HCRTR1: variants seen among roughly 807,000 people sequenced by gnomAD.
The protein encoded by HCRTR1 is orexin/Hypocretin receptor type 1.
Under a neutral mutation model 40.6 loss-of-function variants are expected in HCRTR1, and 28 were observed. That is an observed-to-expected ratio of 0.69 (90% CI 0.51 to 0.95). The LOEUF (loss-of-function observed/expected upper bound fraction) is 0.95, where lower values mean the gene tolerates loss of function less well. Ranked by LOEUF, HCRTR1 falls within the 40% of genes least tolerant of loss-of-function variation. HCRTR1 has a pLI of 0.00. For synonymous variants in HCRTR1, 209 were observed against 230.0 expected, an observed-to-expected ratio of 0.91 and a Z score of 0.83; for missense variants, 482 against 564.7, an observed-to-expected ratio of 0.85 and a Z score of 1.48.
Position 31,619,799 on chromosome 1 carries a change from T to G in HCRTR1, c.378+89T>G, listed in dbSNP as rs560515420. On this transcript the variant is annotated intron_variant, in intron 4 of 8. Coordinates refer to ENST00000403528, the MANE Select transcript of HCRTR1 (RefSeq NM_001525.3). ...CATAGGTCTCAGTGACCCCCAGACT[T>G]GCCTTTCAGACAGGTCAGTGGCTCA... 5.5e-6 allele frequency: 7 copies of G among 1,269,698 alleles called. No individual in the cohort carries two copies. The South Asian group carries it at 1.0e-4, about 19-fold the overall frequency. 78.7% of individuals were successfully genotyped at this position (1,269,698 alleles called of 1,614,324 possible). A position where few individuals can be genotyped will look rare whatever the true frequency, so the allele number is the denominator to read the frequency against.
chr1:31,622,549 C>T (rs146390777), intron 6 of HCRTR1, among the ~76,000 whole-genome samples: 3 of 152,172 alleles, frequency 2.0e-5, no homozygotes, highest in African/African-American at 4.8e-5. Flanking sequence ...GACACAGGCA[C>T]GATCCTCCTC....
At position 31,619,100 on chromosome 1, in the gene HCRTR1, C is replaced by A; in HGVS notation, c.-93C>A. ...AGACCTGGGTGCAAGCCTCCAGGCA[C>A]CCTGAAGGGAGTGGGCTGAGGGCTG... On this transcript the variant is annotated 5_prime_UTR_variant, in exon 3 of 9. Transcript: ENST00000403528. The A allele has an allele frequency of 9.2e-7, 1 of 1,083,356 alleles. No homozygotes were observed. The highest frequency in any genetic ancestry group is 2.5e-5 in the East Asian group (1 of 40,274). The allele number at this position is 1,083,356 out of a possible 1,614,324, so 67.1% of individuals were successfully genotyped here. A position where few individuals can be genotyped will look rare whatever the true frequency, so the allele number is the denominator to read the frequency against.
chr1:31,629,940 T>G (rs1010193589), downstream of HCRTR1: 1 of 151,932 alleles, frequency 6.6e-6, no homozygotes, highest in African/African-American at 2.4e-5. Context: ...AAATGCAAAT[T>G]AAAAAAAGTA....
At chr1:31,619,005 C>T in intron 2 of HCRTR1, 46 bp from the exon 3 acceptor site, 1 of 595,468 alleles carries the variant, frequency 1.7e-6, no homozygotes, top group East Asian at 2.8e-5. Flanking sequence ...CTAATGTTTC[C>T]TTCCTTCTCT....
downstream of HCRTR1, among the ~76,000 whole-genome samples, chr1:31,627,883 AG>A (rs1487619571): frequency 6.6e-6 from 1 of 152,164 alleles, no homozygotes; most frequent in African/African-American, 2.4e-5. Flanking sequence ...GGGGAAGGTA[AG>A]GGGGGCCGGG....
Position 31,625,187 on chromosome 1 carries a change from C to A in HCRTR1, c.1087+69C>A. Reference sequence around the variant, plus strand: ...TCCACATGACAAGTCTCCCCATCCCCAAGCCAGGGCCCAAATAAAGGATGG... The same window carrying A: ...TCCACATGACAAGTCTCCCCATCCCAAAGCCAGGGCCCAAATAAAGGATGG... On this transcript the variant is annotated intron_variant, in intron 8 of 8. Transcript: ENST00000403528. The surrounding 1 kb of genome is among the most constrained non-coding windows in gnomAD (Gnocchi z 4.2). 6.8e-7 allele frequency: 1 copy of A among 1,460,774 alleles called. No homozygotes were observed. The highest frequency in any genetic ancestry group is 9.2e-7 in the Non-Finnish European group (1 of 1,088,754). The allele number at this position is 1,460,774 out of a possible 1,614,324, so 90.5% of individuals were successfully genotyped here.
In HCRTR1 at chr1:31,621,340, T is replaced by G. The variant is rs1639851590; in HGVS notation, c.623-137T>G. ...AAGTTGGACAACTCCAGGGTCTCTG[T>G]CTGTCATGGTGGCTGTATGGGGTCC... On this transcript the variant is annotated intron_variant, in intron 5 of 8. Transcript: ENST00000403528. 12 of 815,306 alleles carry G rather than the reference T, an allele frequency of 1.5e-5. No individual in the cohort carries two copies. In the South Asian group the frequency reaches 1.9e-4, roughly 13 times the overall value. The allele number at this position is 815,306 out of a possible 1,614,324, so 50.5% of individuals were successfully genotyped here.
At position 31,625,355 on chromosome 1, in the gene HCRTR1, A is replaced by C. The variant is rs1639953839; in HGVS notation, c.1087+237A>C. On this transcript the variant is annotated intron_variant, in intron 8 of 8. Coordinates refer to ENST00000403528, the MANE Select transcript of HCRTR1 (RefSeq NM_001525.3). The surrounding 1 kb of genome is among the most constrained non-coding windows in gnomAD (Gnocchi z 4.2). ...TCCAGTTTTGCAGATTCTGCAGACC[A>C]GTGAGTGAGTGGAAGGGCAGGGGCT... Among the ~76,000 whole-genome samples, 1 of 152,180 alleles carries C rather than the reference A, an allele frequency of 6.6e-6. No homozygotes were observed. Among genetic ancestry groups the C allele is most frequent in the Non-Finnish European group, 1.5e-5 (1 of 68,012 alleles).
At chr1:31,632,346 G>A (rs991538034), downstream of HCRTR1, 18 of 1,353,630 alleles carry the variant, frequency 1.3e-5, no homozygotes, top group Admixed American at 3.5e-5. Context: ...TCAAAGAAGG[G>A]GTGAGGGATG....
At chr1:31,623,234 T>C (rs1389477616) in intron 6 of HCRTR1, among the ~76,000 whole-genome samples, 1 of 148,750 alleles carries the variant, frequency 6.7e-6, no homozygotes, top group African/African-American at 2.5e-5. Flanking sequence ...GAGGCGAGAT[T>C]GAAGAGAGCC....
downstream of HCRTR1, among the ~76,000 whole-genome samples, chr1:31,632,875 G>A (rs1275682812): frequency 2.0e-5 from 3 of 152,164 alleles, no homozygotes; most frequent in Non-Finnish European, 4.4e-5. Flanking sequence ...CTGCAGGCTT[G>A]GCACCTGACC....
chr1:31,621,481 C>G lies in HCRTR1; in HGVS notation c.627C>G (p.Asp209Glu). 6.2e-7 allele frequency: 1 copy of G among 1,611,280 alleles called. No homozygotes were observed. Among genetic ancestry groups the G allele is most frequent in the South Asian group, 1.1e-5 (1 of 91,020 alleles). ...FSVCDERWAD[D>E]LYPKIYHSCF... is the part of the protein sequence containing the mutation. ...TGCATCTCTTGACCCCTGCAGATGA[C>G]CTCTATCCCAAGATCTACCACAGTT... The change falls in exon 6 of 9, where the codon GAC (aspartate) becomes GAG (glutamate). Residue 209 changes from aspartate (D) to glutamate (E), a missense_variant. By Grantham distance (45) the Asp-to-Glu change is conservative. Coordinates refer to ENST00000403528, the MANE Select transcript of HCRTR1 (RefSeq NM_001525.3).
chr1:31,626,697 G>C lies in HCRTR1; in HGVS notation c.1088-93G>C. ...CTCCCTCCCCGCCCCCTCATAGGCA[G>C]CTTGGCTGGAGCTGCGTGGGTGTCC... is the stretch of plus-strand genomic sequence containing the variant. On this transcript the variant is annotated intron_variant, in intron 8 of 8. Transcript: ENST00000403528. This position sits in a 1 kb window ranked among gnomAD's most constrained non-coding sequence, Gnocchi z 4.6. 3 of 605,076 alleles carry C rather than the reference G, an allele frequency of 5.0e-6. No homozygotes were observed. The highest frequency in any genetic ancestry group is 7.9e-6 in the Non-Finnish European group (3 of 378,834). The allele number at this position is 605,076 out of a possible 1,614,324, so 37.5% of individuals were successfully genotyped here. A position where few individuals can be genotyped will look rare whatever the true frequency, so the allele number is the denominator to read the frequency against.
At chr1:31,621,376 AGGCCTTGCTTT>A in intron 5 of HCRTR1, 90 bp from the exon 6 acceptor site, 1 of 951,490 alleles carries the variant, frequency 1.1e-6, no homozygotes, top group Non-Finnish European at 1.7e-6. Context: ...AGCTGCTCCT[AGGCCTTGCTTT>A]GGCCGTAGTC....
downstream of HCRTR1, chr1:31,630,696 G>A (rs775137790): frequency 9.3e-6 from 15 of 1,613,924 alleles, no homozygotes; most frequent in Middle Eastern, 1.7e-4. Context: ...TCCTTCTCCC[G>A]GAAGGCCTCT....
rs114117076 is a variant in HCRTR1, at chr1:31,626,022, T to A, written c.1088-768T>A. Among the ~76,000 whole-genome samples the A allele has an allele frequency of 6.8e-3, 1,034 of 152,310 alleles. 4 individuals are homozygous for A. The highest frequency in any genetic ancestry group is 0.027 in the Middle Eastern group (8 of 294). On this transcript the variant is annotated intron_variant, in intron 8 of 8. Coordinates refer to ENST00000403528, the MANE Select transcript of HCRTR1 (RefSeq NM_001525.3). This position sits in a 1 kb window ranked among gnomAD's most constrained non-coding sequence, Gnocchi z 4.6. ...GGGAGGGGAGGGCAGACAGACTTACTGACACATATGCCTTTGTTTGGCCTA... is the reference window on the plus strand; with the variant it reads ...GGGAGGGGAGGGCAGACAGACTTACAGACACATATGCCTTTGTTTGGCCTA...
In HCRTR1 at chr1:31,619,198, G is replaced by T; in HGVS notation, c.6G>T (p.Glu2Asp). 1.2e-6 allele frequency: 2 copies of T among 1,610,894 alleles called. No individual in the cohort carries two copies. Among genetic ancestry groups the T allele is most frequent in the Non-Finnish European group, 8.5e-7 (1 of 1,179,878 alleles). M[E>D]PSATPGAQMG... The stretch of plus-strand genomic sequence containing the variant: ...CTGCAGCGGCTCCTGAGCTCATGGA[G>T]CCCTCAGCCACCCCAGGGGCCCAGA... Residue 2 changes from glutamate (E) to aspartate (D), a missense_variant, in exon 3 of 9, where the codon GAG becomes GAT. Glu to Asp is a conservative substitution (Grantham distance 45). Transcript: ENST00000403528.
chr1:31,624,562 C>T (rs569828183), intron 7 of HCRTR1, among the ~76,000 whole-genome samples: 1 of 151,416 alleles, frequency 6.6e-6, no homozygotes, highest in Non-Finnish European at 1.5e-5. Context: ...CAAAGAGGGT[C>T]GCAGGGCGCT....
intron 4 of HCRTR1, among the ~76,000 whole-genome samples, chr1:31,620,159 C>A (rs1639822260): frequency 6.6e-6 from 1 of 152,188 alleles, no homozygotes; most frequent in Non-Finnish European, 1.5e-5. Context: ...CCAGGATGTC[C>A]GGATGGGGTT....
Sources: gnomAD v4.1 joint callset for allele counts (sites outside exome capture counted in the v4.1 genomes callset) on GRCh38, gnomAD v4.1.1 for gene constraint, Gnocchi (gnomAD v3.1) non-coding constraint, MANE v1.5 for transcripts, NCBI Gene and HGNC (gene_info 2026-07-23, HGNC 2026-07-21) for gene names.